The following EIF4G3 variants were observed in gnomAD, a reference collection of about 807,000 sequenced individuals.
EIF4G3 encodes eIF-4-gamma 3.
A neutral mutation model predicts 186.4 loss-of-function variants in EIF4G3; 34 were observed. The observed-to-expected ratio is 0.18, with a 90% confidence interval of 0.14 to 0.24. EIF4G3 has a LOEUF of 0.24. Ranked by LOEUF, EIF4G3 falls within the 10% of genes least tolerant of loss-of-function variation. The pLI is 1.00. For synonymous variants in EIF4G3, 673 were observed against 679.5 expected, an observed-to-expected ratio of 0.99 and a Z score of 0.15; for missense variants, 1,536 against 1,948.5, an observed-to-expected ratio of 0.79 and a Z score of 3.99.
intron 16 of EIF4G3, among the ~76,000 whole-genome samples, chr1:20,896,631 T>C (rs767441618): frequency 2.0e-5 from 3 of 152,132 alleles, no homozygotes; most frequent in Non-Finnish European, 4.4e-5. Context: ...AAAATAAATG[T>C]AGTGTGCCCT....
chr1:21,044,636 CGT>C (rs920792198), intron 4 of EIF4G3, among the ~76,000 whole-genome samples: 8 of 20,824 alleles, frequency 3.8e-4, no homozygotes, highest in Non-Finnish European at 2.5e-3. Context: ...AAACTTCATT[CGT>C]TTTTTTTTTT....
intron 2 of EIF4G3, among the ~76,000 whole-genome samples, chr1:21,103,024 G>A (rs1485320493): frequency 6.6e-6 from 1 of 152,064 alleles, no homozygotes; most frequent in East Asian, 1.9e-4. Flanking sequence ...CTATAAGGGG[G>A]AAATATTTGG....
chr1:21,055,322 G>C (rs2094511945), intron 3 of EIF4G3, among the ~76,000 whole-genome samples: 1 of 151,952 alleles, frequency 6.6e-6, no homozygotes, highest in Non-Finnish European at 1.5e-5. Flanking sequence ...GAGCAAAGAA[G>C]TTAACTATAT....
intron 3 of EIF4G3, 48 bp from the exon 4 acceptor site, chr1:21,051,042 T>G (rs750374656): frequency 9.8e-6 from 7 of 713,368 alleles, no homozygotes; most frequent in Non-Finnish European, 1.8e-5. Flanking sequence ...AGTAAATCAA[T>G]CTTAATAAAT....
At chr1:21,056,730 C>T (rs905003992) in intron 3 of EIF4G3, among the ~76,000 whole-genome samples, 1 of 152,112 alleles carries the variant, frequency 6.6e-6, no homozygotes, top group African/African-American at 2.4e-5. Context: ...GCAACAAGTT[C>T]TCATACAAAG....
intron 25 of EIF4G3, 73 bp downstream of exon 25, chr1:20,857,330 G>T (rs1167383645): frequency 2.6e-6 from 3 of 1,155,816 alleles, no homozygotes; most frequent in Non-Finnish European, 2.6e-6. Flanking sequence ...TGTAAATTGT[G>T]TGTGTGTGTG....
chr1:21,133,592 G>C (rs577583992), intron 2 of EIF4G3, among the ~76,000 whole-genome samples: 32 of 152,312 alleles, frequency 2.1e-4, no homozygotes, highest in African/African-American at 7.0e-4. Flanking sequence ...CCCTATAGGA[G>C]AGTGAAGATG....
intron 2 of EIF4G3, among the ~76,000 whole-genome samples, chr1:21,116,408 G>A (rs1558036283): frequency 6.6e-6 from 1 of 152,026 alleles, no homozygotes; most frequent in African/African-American, 2.4e-5. Context: ...GTAATCAAGG[G>A]TACTCACTAG....
chr1:20,971,384 A>G (rs531651460), intron 11 of EIF4G3, among the ~76,000 whole-genome samples: 13 of 152,310 alleles, frequency 8.5e-5, no homozygotes, highest in African/African-American at 3.1e-4. Context: ...TAATTCATTT[A>G]TTCTACTTTC....
chr1:21,000,091 T>C (rs527289399), intron 6 of EIF4G3, among the ~76,000 whole-genome samples: 4 of 151,010 alleles, frequency 2.6e-5, no homozygotes, highest in Non-Finnish European at 5.9e-5. Context: ...CTCTCCAAAT[T>C]AAGTATTTAA....
At chr1:20,847,231 T>C (rs1057119858) in intron 29 of EIF4G3, among the ~76,000 whole-genome samples, 4 of 152,208 alleles carry the variant, frequency 2.6e-5, no homozygotes, top group African/African-American at 9.7e-5. Flanking sequence ...TACAAACTAA[T>C]ACATGCCGAA....
intron 3 of EIF4G3, among the ~76,000 whole-genome samples, chr1:21,077,683 C>A (rs534517251): frequency 6.6e-6 from 1 of 151,590 alleles, no homozygotes; most frequent in African/African-American, 2.4e-5. Context: ...GAATTCGAGA[C>A]CAGGCTGACC....
chr1:21,082,611 A>C (rs2095823221), intron 3 of EIF4G3, among the ~76,000 whole-genome samples: 2 of 152,032 alleles, frequency 1.3e-5, no homozygotes, highest in Admixed American at 1.3e-4. Flanking sequence ...ACAACAAAAA[A>C]GGGGAAACCG....
rs776778305 is a variant in EIF4G3, at chr1:20,999,322, G to A, written c.145-1689C>T. ...AAGAAATTGAGGTCTTGTATTTTCA[G>A]TTTTCCAATTAGGAGAAGAAAACAT... On this transcript the variant is annotated intron_variant, in intron 6 of 36. Transcript: ENST00000602326. 1.3e-4 allele frequency: 46 copies of A among 363,730 alleles called. 1 individual carries two copies. Among genetic ancestry groups the A allele is most frequent in the Non-Finnish European group, 2.2e-4 (40 of 181,008 alleles). The allele number at this position is 363,730 out of a possible 1,614,324, so 22.5% of individuals were successfully genotyped here. A position where few individuals can be genotyped will look rare whatever the true frequency, so the allele number is the denominator to read the frequency against.
intron 12 of EIF4G3, among the ~76,000 whole-genome samples, chr1:20,961,715 T>C (rs906010289): frequency 2.0e-5 from 3 of 152,154 alleles, no homozygotes; most frequent in African/African-American, 7.2e-5. Context: ...TTTTCAAATG[T>C]CCCATTTAAA....
At chr1:20,888,371 A>G (rs571576656) in intron 18 of EIF4G3, among the ~76,000 whole-genome samples, 7 of 152,236 alleles carry the variant, frequency 4.6e-5, no homozygotes, top group Admixed American at 2.0e-4. Flanking sequence ...ATTTTAAATT[A>G]TAATTGTATC....
At chr1:21,162,448 T>TAAAA (rs149741247) in intron 2 of EIF4G3, among the ~76,000 whole-genome samples, 2 of 125,212 alleles carry the variant, frequency 1.6e-5, no homozygotes, top group Non-Finnish European at 3.3e-5. Flanking sequence ...GACATCATCT[T>TAAAA]AAAAAAAAAA....
At position 20,842,139 on chromosome 1, in the gene EIF4G3, G is replaced by C. The variant is rs555463600; in HGVS notation, c.3889-1111C>G. Reference sequence around the variant, plus strand: ...TTGTTTTCTTTCTGAATGTCCAAGAGATTTACTATAATGTCAATAAAAATA... The same window carrying C: ...TTGTTTTCTTTCTGAATGTCCAAGACATTTACTATAATGTCAATAAAAATA... On this transcript the variant is annotated intron_variant, in intron 29 of 36. Coordinates refer to ENST00000602326, the MANE Select transcript of EIF4G3 (RefSeq NM_001391906.1). Among the ~76,000 whole-genome samples the C allele has an allele frequency of 5.9e-5, 9 of 152,178 alleles. No individual in the cohort carries two copies. The South Asian group carries it at 1.9e-3, about 32-fold the overall frequency.
At chr1:21,142,470 G>A (rs907643576) in intron 2 of EIF4G3, among the ~76,000 whole-genome samples, 15 of 152,044 alleles carry the variant, frequency 9.9e-5, no homozygotes, top group Admixed American at 6.6e-5. Flanking sequence ...TCGTACAACC[G>A]TACTCCAGCC....
Sources: gnomAD v4.1 joint callset for allele counts (sites outside exome capture counted in the v4.1 genomes callset) on GRCh38, gnomAD v4.1.1 for gene constraint, MANE v1.5 for transcripts, NCBI Gene and HGNC (gene_info 2026-07-23, HGNC 2026-07-21) for gene names.